The following SEMA3A variants were observed in gnomAD, a reference collection of about 807,000 sequenced individuals.
SEMA3A encodes semaphorin-3A.
Under a neutral mutation model 97.9 loss-of-function variants are expected in SEMA3A, and 29 were observed. The observed-to-expected ratio is 0.30, with a 90% CI of 0.22 to 0.40. The LOEUF (loss-of-function observed/expected upper bound fraction) is 0.40. Ranked by LOEUF, SEMA3A falls within the 10% of genes least tolerant of loss-of-function variation. SEMA3A has a pLI of 1.00. For synonymous variants in SEMA3A, 321 were observed against 323.7 expected, an observed-to-expected ratio of 0.99 and a Z score of 0.09; for missense variants, 763 against 951.3, an observed-to-expected ratio of 0.80 and a Z score of 2.60.
intron 6 of SEMA3A, among the ~76,000 whole-genome samples, chr7:84,018,267 T>G (rs891557955): frequency 6.6e-6 from 1 of 152,278 alleles, no homozygotes; most frequent in African/African-American, 2.4e-5. Flanking sequence ...TTCTCATTTT[T>G]AAGTCTAAGG....
At chr7:84,145,246 T>G (rs540736418) in intron 1 of SEMA3A, among the ~76,000 whole-genome samples, 2 of 152,276 alleles carry the variant, frequency 1.3e-5, no homozygotes, top group African/African-American at 4.8e-5. Flanking sequence ...CATAGTGCCC[T>G]GTACATACAT....
chr7:84,002,193 A>C, intron 11 of SEMA3A, 147 bp from the exon 12 acceptor site: 1 of 561,458 alleles, frequency 1.8e-6, no homozygotes, highest in Non-Finnish European at 3.2e-6. Flanking sequence ...CATGAGTAAA[A>C]TATATATTCA....
chr7:84,133,279 A>G (rs1026386664), intron 2 of SEMA3A, among the ~76,000 whole-genome samples: 2 of 152,186 alleles, frequency 1.3e-5, no homozygotes, highest in Non-Finnish European at 2.9e-5. Flanking sequence ...ATATATAATG[A>G]ATCAAATTTC....
intron 4 of SEMA3A, among the ~76,000 whole-genome samples, chr7:84,092,492 A>G (rs950432916): frequency 2.0e-5 from 3 of 152,172 alleles, no homozygotes; most frequent in Admixed American, 2.0e-4. Context: ...GTCAGTTTCC[A>G]GGAATAAAAT....
chr7:84,213,041 G>A (rs563618070), intron 3 of SEMA3A, among the ~76,000 whole-genome samples: 8 of 152,060 alleles, frequency 5.3e-5, no homozygotes, highest in Non-Finnish European at 8.8e-5. Context: ...TTGGCTCATC[G>A]CAACCTCTGC....
chr7:84,137,207 T>C (rs987738213), intron 1 of SEMA3A, among the ~76,000 whole-genome samples: 27 of 152,046 alleles, frequency 1.8e-4, no homozygotes, highest in African/African-American at 6.0e-4. Flanking sequence ...AAGACCAACC[T>C]GGCCAACATG....
upstream of SEMA3A, among the ~76,000 whole-genome samples, chr7:84,198,910 T>A (rs568548496): frequency 6.6e-4 from 100 of 152,342 alleles, no homozygotes; most frequent in African/African-American, 2.4e-3. Flanking sequence ...TGTTTTTCAG[T>A]AAAGACCTCT....
At chr7:83,963,409 G>A in intron 15 of SEMA3A, 62 bp from the exon 16 acceptor site, 1 of 1,533,884 alleles carries the variant, frequency 6.5e-7, no homozygotes, top group Non-Finnish European at 8.9e-7. Context: ...ACTTTCCAAA[G>A]TTTTTATTTG....
At chr7:84,058,438 A>G (rs1409693012) in intron 5 of SEMA3A, among the ~76,000 whole-genome samples, 2 of 152,184 alleles carry the variant, frequency 1.3e-5, no homozygotes, top group African/African-American at 4.8e-5. Context: ...GAAAATGCCA[A>G]CGAAAACCCA....
At chr7:84,315,812 T>G (rs1176208869) in intron 2 of SEMA3A, among the ~76,000 whole-genome samples, 4 of 152,126 alleles carry the variant, frequency 2.6e-5, no homozygotes, top group Non-Finnish European at 5.9e-5. Context: ...TGATGCTATT[T>G]AATTTTAACT....
At chr7:84,209,971 T>G (rs542235234) in intron 3 of SEMA3A, among the ~76,000 whole-genome samples, 1 of 152,302 alleles carries the variant, frequency 6.6e-6, no homozygotes, top group South Asian at 2.1e-4. Context: ...GAAAGTTTAC[T>G]TTTTTTCCTA....
At chr7:84,258,974 C>T (rs1339202555) in intron 3 of SEMA3A, among the ~76,000 whole-genome samples, 1 of 151,238 alleles carries the variant, frequency 6.6e-6, no homozygotes, top group Non-Finnish European at 1.5e-5. Flanking sequence ...TTTCACAAAA[C>T]TGGTTTCTAT....
chr7:84,128,156 C>T (rs998349451), intron 3 of SEMA3A, among the ~76,000 whole-genome samples: 2 of 152,022 alleles, frequency 1.3e-5, no homozygotes, highest in Non-Finnish European at 2.9e-5. Flanking sequence ...GTAGGGATTG[C>T]TTACTATTCA....
chr7:84,167,563 T>C (rs1797252086), intron 1 of SEMA3A, among the ~76,000 whole-genome samples: 1 of 152,150 alleles, frequency 6.6e-6, no homozygotes, highest in Non-Finnish European at 1.5e-5. Context: ...CATAGAGAGA[T>C]GATTGTAAGA....
At chr7:83,961,852 TA>T in intron 16 of SEMA3A, 26 bp from the exon 17 acceptor site, 1 of 1,538,364 alleles carries the variant, frequency 6.5e-7, no homozygotes, top group Non-Finnish European at 8.9e-7. Flanking sequence ...AAAGGCAGTG[TA>T]AAATATACAT....
At chr7:84,256,155 C>G in intron 3 of SEMA3A, among the ~76,000 whole-genome samples, 1 of 152,014 alleles carries the variant, frequency 6.6e-6, no homozygotes, top group East Asian at 1.9e-4. Context: ...ACATGACTAT[C>G]TTCCACAAGA....
chr7:84,346,560 A>C (rs1342840992), intron 2 of SEMA3A, among the ~76,000 whole-genome samples: 1 of 152,150 alleles, frequency 6.6e-6, no homozygotes, highest in African/African-American at 2.4e-5. Flanking sequence ...TCAGGGAATA[A>C]GGAGGTCTGA....
chr7:84,266,890 C>T (rs1800019569), intron 3 of SEMA3A, among the ~76,000 whole-genome samples: 1 of 152,030 alleles, frequency 6.6e-6, no homozygotes, highest in Admixed American at 6.6e-5. Flanking sequence ...ATTATAGACA[C>T]AATAGAGATT....
intron 3 of SEMA3A, among the ~76,000 whole-genome samples, chr7:84,258,789 C>T (rs1300942836): frequency 1.3e-5 from 2 of 152,136 alleles, no homozygotes; most frequent in Non-Finnish European, 2.9e-5. Context: ...AGATTCCTCA[C>T]TTCTAGTCAT....
Sources: gnomAD v4.1 joint callset for allele counts (sites outside exome capture counted in the v4.1 genomes callset) on GRCh38, gnomAD v4.1.1 for gene constraint, MANE v1.5 for transcripts, NCBI Gene and HGNC (gene_info 2026-07-23, HGNC 2026-07-21) for gene names.